EYS: variants seen among roughly 807,000 people sequenced by gnomAD.
EYS encodes protein eyes shut homolog.
Under a neutral mutation model 282.1 loss-of-function variants are expected in EYS, and 250 were observed. The ratio of observed to expected loss-of-function variants is 0.89; its 90% CI spans 0.80 to 0.98. The LOEUF is 0.98. Ranked by LOEUF, EYS falls within the 50% of genes least tolerant of loss-of-function variation. EYS has a pLI of 0.00. For synonymous variants in EYS, 1,355 were observed against 1,282.9 expected (o/e 1.06, Z -1.20); for missense variants, 4,016 against 3,709.0 (o/e 1.08, Z -2.15).
intron 26 of EYS, among the ~76,000 whole-genome samples, chr6:64,518,405 C>G (rs1692839636): frequency 6.6e-6 from 1 of 151,758 alleles, no homozygotes; most frequent in Non-Finnish European, 1.5e-5. Context: ...TCTGCTTTCT[C>G]ATGCATACTC....
intron 33 of EYS, among the ~76,000 whole-genome samples, chr6:64,000,168 C>CCTTTTT (rs1768014947): frequency 4.7e-5 from 2 of 42,716 alleles, no homozygotes; most frequent in African/African-American, 1.8e-4. Context: ...AGACATGGGA[C>CCTTTTT]TTTTTTTTTT....
chr6:64,262,677 G>T (rs993956176), intron 30 of EYS, among the ~76,000 whole-genome samples: 6 of 151,900 alleles, frequency 3.9e-5, no homozygotes, highest in Admixed American at 1.3e-4. Context: ...ACATCTTAAG[G>T]CATATACTAT....
intron 1 of EYS, among the ~76,000 whole-genome samples, chr6:65,678,574 G>A (rs920128142): frequency 1.3e-5 from 2 of 151,772 alleles, no homozygotes; most frequent in African/African-American, 4.8e-5. Context: ...GACACAAAAA[G>A]CACAGGAAAC....
chr6:65,455,659 GAT>G (rs1434655383), intron 5 of EYS, among the ~76,000 whole-genome samples: 1 of 151,986 alleles, frequency 6.6e-6, no homozygotes, highest in Non-Finnish European at 1.5e-5. Flanking sequence ...AGAAAAAATT[GAT>G]ATGTTTCTGG....
At chr6:65,588,195 C>T (rs891890448) in intron 2 of EYS, among the ~76,000 whole-genome samples, 1 of 152,012 alleles carries the variant, frequency 6.6e-6, no homozygotes, top group Non-Finnish European at 1.5e-5. Context: ...AATTCTCTTG[C>T]CACATATTTT....
chr6:64,970,611 T>C (rs1770256443), intron 14 of EYS, among the ~76,000 whole-genome samples: 1 of 152,186 alleles, frequency 6.6e-6, no homozygotes, highest in South Asian at 2.1e-4. Context: ...CAGTTATCTC[T>C]CCAGCAAATT....
chr6:65,408,818 C>A (rs1310543978), intron 5 of EYS, among the ~76,000 whole-genome samples: 2 of 151,890 alleles, frequency 1.3e-5, no homozygotes, highest in Non-Finnish European at 2.9e-5. Context: ...TTTGAGAGTT[C>A]TTTTTCTGGT....
intron 29 of EYS, among the ~76,000 whole-genome samples, chr6:64,381,635 T>C (rs984324296): frequency 6.6e-6 from 1 of 152,232 alleles, no homozygotes; most frequent in African/African-American, 2.4e-5. Context: ...ATAAAGACTT[T>C]TGTTATGAAC....
intron 31 of EYS, among the ~76,000 whole-genome samples, chr6:64,215,343 G>A (rs569944431): frequency 3.8e-4 from 57 of 151,908 alleles, no homozygotes; most frequent in Non-Finnish European, 6.9e-4. Context: ...TGTAAATATC[G>A]TAGTCCAAAT....
chr6:64,869,695 T>C (rs1421705942), intron 19 of EYS, among the ~76,000 whole-genome samples: 1 of 151,650 alleles, frequency 6.6e-6, no homozygotes, highest in Non-Finnish European at 1.5e-5. Flanking sequence ...TGAACTTGCA[T>C]GATTAAAGAG....
chr6:65,675,582 C>G (rs557118542), intron 1 of EYS, among the ~76,000 whole-genome samples: 2 of 151,906 alleles, frequency 1.3e-5, no homozygotes, highest in East Asian at 3.9e-4. Context: ...AATATATATG[C>G]ACATAGCACC....
At chr6:65,687,445 G>T (rs1373751717) in intron 1 of EYS, among the ~76,000 whole-genome samples, 1 of 151,912 alleles carries the variant, frequency 6.6e-6, no homozygotes, top group East Asian at 1.9e-4. Flanking sequence ...TCCGCCTTTT[G>T]TAATAAATTA....
intron 19 of EYS, among the ~76,000 whole-genome samples, chr6:64,841,788 CTG>C (rs1490041350): frequency 6.6e-6 from 1 of 152,092 alleles, no homozygotes; most frequent in Non-Finnish European, 1.5e-5. Flanking sequence ...AGAAAGAAAA[CTG>C]TGAATCAGGG....
chr6:64,084,336 G>A (rs537757492), intron 31 of EYS, among the ~76,000 whole-genome samples: 10 of 152,180 alleles, frequency 6.6e-5, no homozygotes, highest in Non-Finnish European at 1.3e-4. Flanking sequence ...CACAGATTAA[G>A]TTAAGTAGGC....
chr6:65,657,240 C>A lies in EYS; in HGVS notation c.-447-17348G>T, dbSNP rs181023156. On this transcript the variant is annotated intron_variant, in intron 1 of 42. Transcript: ENST00000503581. ...CTTTCATGCCTGCTAACAAAATATC[C>A]TTCTGTAGCCCATGGATTGAGGAGT... Among the ~76,000 whole-genome samples the A allele has an allele frequency of 3.8e-4, 58 of 151,922 alleles. 1 individual carries two copies. In the East Asian group the frequency reaches 9.3e-3, roughly 24 times the overall value.
rs71551553 is a variant in EYS, at chr6:64,000,168, CTTTTT to C, written c.6726-990_6726-986del. Among the ~76,000 whole-genome samples, 4 of 42,732 alleles carry C rather than the reference CTTTTT, an allele frequency of 9.4e-5. 1 individual carries two copies. The highest frequency in any genetic ancestry group is 1.8e-4 in the Non-Finnish European group (4 of 22,778). The allele number at this position is 42,732 out of a possible 152,430, so 28.0% of individuals were successfully genotyped here. On this transcript the variant is annotated intron_variant, in intron 33 of 42. Coordinates refer to ENST00000503581, the MANE Select transcript of EYS (RefSeq NM_001142800.2). ...CTGAGGAGTTTCCCAAGACATGGGACTTTTTTTTTTTTTTTTTTTTTTTTTTTTTT... is the reference window on the plus strand; with the variant it reads ...CTGAGGAGTTTCCCAAGACATGGGACTTTTTTTTTTTTTTTTTTTTTTTTT...
At chr6:64,622,851 G>A (rs1767492154) in intron 23 of EYS, among the ~76,000 whole-genome samples, 1 of 152,102 alleles carries the variant, frequency 6.6e-6, no homozygotes, top group Non-Finnish European at 1.5e-5. Flanking sequence ...AATTATTTGA[G>A]GCTTTTTAAA....
intron 14 of EYS, among the ~76,000 whole-genome samples, chr6:64,952,943 T>C (rs1431649420): frequency 6.6e-6 from 1 of 151,960 alleles, no homozygotes; most frequent in Non-Finnish European, 1.5e-5. Flanking sequence ...GTGCTAGAGA[T>C]TGGAACATCT....
At chr6:64,183,290 A>T (rs1224357425) in intron 31 of EYS, among the ~76,000 whole-genome samples, 3 of 152,168 alleles carry the variant, frequency 2.0e-5, no homozygotes, top group Non-Finnish European at 4.4e-5. Context: ...TGTCTTTATT[A>T]GCAGCATGAG....
Sources: allele counts gnomAD v4.1 joint callset (sites outside exome capture counted in the v4.1 genomes callset), GRCh38; gene constraint gnomAD v4.1.1; transcripts MANE v1.5; gene names NCBI Gene and HGNC (gene_info 2026-07-23, HGNC 2026-07-21).